The following PCDH15 variants were observed in gnomAD, a reference collection of about 807,000 sequenced individuals.
PCDH15 encodes the protein protocadherin related 15, also known as protocadherin-15.
In PCDH15, 129 loss-of-function variants were observed where a neutral mutation model predicts 178.5. The observed-to-expected ratio is 0.72, with a 90% CI of 0.63 to 0.84. PCDH15 has a LOEUF of 0.84. PCDH15 is among the 40% of genes least tolerant of loss of function. The probability of loss-of-function intolerance (pLI) is 0.00; values close to 1 mark genes in which losing one functional copy is unlikely to be tolerated. For synonymous variants in PCDH15, 800 were observed against 732.0 expected (o/e 1.09, Z -1.50); for missense variants, 2,230 against 2,099.9 (o/e 1.06, Z -1.21).
chr10:54,315,752 G>A (rs1056715965), intron 8 of PCDH15, among the ~76,000 whole-genome samples: 1 of 151,978 alleles, frequency 6.6e-6, no homozygotes, highest in Non-Finnish European at 1.5e-5. Flanking sequence ...CATATGGCTA[G>A]CCAGTTCTCC....
At chr10:53,849,391 C>T (rs2078195160) in intron 28 of PCDH15, among the ~76,000 whole-genome samples, 3 of 151,722 alleles carry the variant, frequency 2.0e-5, no homozygotes, top group African/African-American at 7.3e-5. Context: ...TATAAGCATT[C>T]AGAAATGTGT....
chr10:55,069,254 T>G (rs1165723268), intron 2 of PCDH15, among the ~76,000 whole-genome samples: 4 of 144,998 alleles, frequency 2.8e-5, no homozygotes, highest in Non-Finnish European at 4.6e-5. Flanking sequence ...TTTTGTTTTT[T>G]TTTTTTTTTT....
intron 1 of PCDH15, among the ~76,000 whole-genome samples, chr10:54,750,237 T>A (rs1245720869): frequency 6.6e-6 from 1 of 152,068 alleles, no homozygotes; most frequent in Non-Finnish European, 1.5e-5. Flanking sequence ...GCTTATATTG[T>A]TTATGTGACA....
intron 20 of PCDH15, among the ~76,000 whole-genome samples, chr10:54,019,570 T>TAAAA (rs1239912986): frequency 6.6e-6 from 1 of 152,110 alleles, no homozygotes; most frequent in East Asian, 1.9e-4. Context: ...TATCTACTTT[T>TAAAA]GTCTCTTAAA....
chr10:54,868,601 G>T (rs144129684), intron 3 of PCDH15, among the ~76,000 whole-genome samples: 7 of 151,968 alleles, frequency 4.6e-5, no homozygotes, highest in Admixed American at 4.6e-4. Context: ...CCATCTCTCT[G>T]TTCACCATTC....
chr10:53,875,863 T>A (rs2080192025), intron 26 of PCDH15, among the ~76,000 whole-genome samples: 1 of 152,146 alleles, frequency 6.6e-6, no homozygotes, highest in Non-Finnish European at 1.5e-5. Context: ...CCTAAATAAC[T>A]GTTCCCCTCT....
chr10:54,865,309 A>G (rs184123594), intron 3 of PCDH15, among the ~76,000 whole-genome samples: 1 of 152,240 alleles, frequency 6.6e-6, no homozygotes, highest in Admixed American at 6.6e-5. Context: ...TGCTGGTTAC[A>G]CTTTAACATC....
chr10:53,820,857 T>G lies in PCDH15; in HGVS notation c.4368-627A>C, dbSNP rs542004135. ...CCCAGAGTATACAGTTTTATTTTCTTTGTTTAAAACAAAGAGCAGAAACCT... is the reference window on the plus strand; with the variant it reads ...CCCAGAGTATACAGTTTTATTTTCTGTGTTTAAAACAAAGAGCAGAAACCT... On this transcript the variant is annotated intron_variant, in intron 32 of 37. Transcript: ENST00000644397. Among the ~76,000 whole-genome samples, 8 of 152,140 alleles carry G rather than the reference T, an allele frequency of 5.3e-5. No individual in the cohort carries two copies. The South Asian group carries it at 1.7e-3, about 31-fold the overall frequency.
Position 54,738,850 on chromosome 10 carries a change from T to A in PCDH15, c.-29+62075A>T, listed in dbSNP as rs1013909359. 6.6e-5 allele frequency among the ~76,000 whole-genome samples: 10 copies of A among 151,980 alleles called. No individual in the cohort carries two copies. In the South Asian group the frequency reaches 8.3e-4, roughly 13 times the overall value. ...CCAACTTTCCTTCTTTAAAAAAAAA[T>A]TTCCTTTGGTTATTATCTTGATTAA... On this transcript the variant is annotated intron_variant, in intron 1 of 37. Coordinates refer to ENST00000644397, the MANE Select transcript of PCDH15 (RefSeq NM_001384140.1).
chr10:54,659,031 A>G (rs1472853408), intron 2 of PCDH15, among the ~76,000 whole-genome samples: 1 of 152,168 alleles, frequency 6.6e-6, no homozygotes, highest in Non-Finnish European at 1.5e-5. Context: ...GAAAGGTAAA[A>G]AAAAAGACAA....
At chr10:54,081,860 G>C (rs1454253379) in intron 16 of PCDH15, among the ~76,000 whole-genome samples, 1 of 152,122 alleles carries the variant, frequency 6.6e-6, no homozygotes, top group East Asian at 1.9e-4. Context: ...AGCCCCAAGA[G>C]ATGGTCTCGC....
intron 5 of PCDH15, among the ~76,000 whole-genome samples, chr10:54,358,213 T>A (rs200906681): frequency 2.7e-5 from 4 of 150,410 alleles, no homozygotes; most frequent in African/African-American, 9.9e-5. Context: ...GAAACTACCA[T>A]CAGAGTGAAC....
chr10:54,886,803 G>A (rs1954367731), intron 3 of PCDH15, among the ~76,000 whole-genome samples: 5 of 152,174 alleles, frequency 3.3e-5, no homozygotes, highest in East Asian at 1.9e-4. Flanking sequence ...TCCTTTCTCT[G>A]TCTTCAGTTT....
intron 6 of PCDH15, among the ~76,000 whole-genome samples, chr10:54,340,024 T>G (rs1941941169): frequency 1.3e-5 from 2 of 152,186 alleles, no homozygotes; most frequent in Admixed American, 1.3e-4. Context: ...TCTATACCTA[T>G]TGCAGTGGTC....
chr10:54,022,567 T>A (rs2135314545), intron 19 of PCDH15, among the ~76,000 whole-genome samples: 1 of 152,202 alleles, frequency 6.6e-6, no homozygotes, highest in South Asian at 2.1e-4. Context: ...GATTATTAAC[T>A]TTTGCTTCAT....
intron 2 of PCDH15, among the ~76,000 whole-genome samples, chr10:54,576,261 G>A (rs2090471742): frequency 6.6e-6 from 1 of 152,098 alleles, no homozygotes; most frequent in Non-Finnish European, 1.5e-5. Flanking sequence ...CAGTTATTAA[G>A]TATAAGTTTT....
chr10:54,283,533 G>C (rs2058835800), intron 8 of PCDH15, among the ~76,000 whole-genome samples: 1 of 151,966 alleles, frequency 6.6e-6, no homozygotes, highest in Non-Finnish European at 1.5e-5. Flanking sequence ...TAGCTAGCTA[G>C]CTAGCTAGAT....
chr10:55,483,061 C>A (rs898458268), intron 2 of PCDH15, among the ~76,000 whole-genome samples: 1 of 151,698 alleles, frequency 6.6e-6, no homozygotes, highest in Non-Finnish European at 1.5e-5. Flanking sequence ...AAAACCCATT[C>A]AGGACATAAG....
chr10:54,984,395 G>A (rs147675806), intron 2 of PCDH15, among the ~76,000 whole-genome samples: 175 of 152,244 alleles, frequency 1.1e-3, no homozygotes, highest in Non-Finnish European at 1.9e-3. Context: ...CCTGCCCCAT[G>A]CCTGTGAGGA....
Sources: allele counts gnomAD v4.1 joint callset (sites outside exome capture counted in the v4.1 genomes callset), GRCh38; gene constraint gnomAD v4.1.1; transcripts MANE v1.5; gene names NCBI Gene and HGNC (gene_info 2026-07-23, HGNC 2026-07-21).